LINGO1: variants seen among roughly 807,000 people sequenced by gnomAD.
The protein encoded by LINGO1 is leucine-rich repeat and immunoglobulin-like domain-containing nogo receptor-interacting protein 1.
A neutral mutation model predicts 37.3 loss-of-function variants in LINGO1; 11 were observed. The ratio of observed to expected loss-of-function variants is 0.29; its 90% confidence interval spans 0.19 to 0.49. LINGO1 has a LOEUF of 0.49. LINGO1 is among the 20% of genes least tolerant of loss of function. LINGO1 has a pLI of 0.99. For missense variants in LINGO1, 585 were observed against 878.2 expected (o/e 0.67, Z 4.22); for synonymous variants, 387 against 403.0 (o/e 0.96, Z 0.48).
intron 1 of LINGO1, among the ~76,000 whole-genome samples, chr15:77,736,247 T>C (rs540531669): frequency 2.0e-5 from 3 of 152,070 alleles, no homozygotes; most frequent in East Asian, 1.9e-4. Flanking sequence ...TAGGGGTATA[T>C]ACCAGGGAGC....
intron 2 of LINGO1, among the ~76,000 whole-genome samples, chr15:77,705,224 C>G (rs1242848281): frequency 2.6e-5 from 4 of 151,182 alleles, no homozygotes; most frequent in Non-Finnish European, 4.4e-5. Flanking sequence ...CTTCCAGCAC[C>G]CTGGACCTTG....
intron 1 of LINGO1, among the ~76,000 whole-genome samples, chr15:77,780,454 A>C (rs987674097): frequency 2.0e-5 from 3 of 151,986 alleles, no homozygotes; most frequent in African/African-American, 7.3e-5. Flanking sequence ...GAAGCAGCTC[A>C]AGCTACAGTG....
At chr15:77,801,212 G>A (rs1302386158) in intron 1 of LINGO1, among the ~76,000 whole-genome samples, 2 of 152,194 alleles carry the variant, frequency 1.3e-5, no homozygotes. Context: ...ACATGCTCAA[G>A]GATGCTCACG....
chr15:77,781,046 C>G (rs1196366696), intron 1 of LINGO1, among the ~76,000 whole-genome samples: 1 of 152,242 alleles, frequency 6.6e-6, no homozygotes, highest in Non-Finnish European at 1.5e-5. Flanking sequence ...CTGACTGTAC[C>G]TTGGACACCG....
At chr15:77,765,244 G>A (rs1048570490) in intron 1 of LINGO1, among the ~76,000 whole-genome samples, 7 of 151,946 alleles carry the variant, frequency 4.6e-5, no homozygotes, top group South Asian at 2.1e-4. Flanking sequence ...GTGAAACCCC[G>A]TCTCTACTAA....
chr15:77,730,333 A>C (rs1477265660), intron 2 of LINGO1, among the ~76,000 whole-genome samples: 3 of 152,112 alleles, frequency 2.0e-5, no homozygotes, highest in Non-Finnish European at 4.4e-5. Flanking sequence ...CCTGTTACCC[A>C]ATGGGAAAAC....
intron 2 of LINGO1, among the ~76,000 whole-genome samples, chr15:77,716,642 G>A (rs898340317): frequency 6.7e-6 from 1 of 150,184 alleles, no homozygotes; most frequent in Non-Finnish European, 1.5e-5. Context: ...CCAGTTCATC[G>A]CCTGAGTGTC....
intron 1 of LINGO1, among the ~76,000 whole-genome samples, chr15:77,748,412 G>A (rs971311840): frequency 1.3e-5 from 2 of 152,246 alleles, no homozygotes; most frequent in Non-Finnish European, 2.9e-5. Flanking sequence ...ACTTTACAGT[G>A]TCACTGCAGG....
chr15:77,631,407 C>A lies in LINGO1; in HGVS notation c.6+903G>T, dbSNP rs555125405. Among the ~76,000 whole-genome samples the A allele has an allele frequency of 2.0e-5, 3 of 152,274 alleles. No homozygotes were observed. In the South Asian group the frequency reaches 6.2e-4, roughly 32 times the overall value. Reference sequence around the variant, plus strand: ...GGCCTCTGAGAACAAAGAGGAGGTGCAGGCACAGTCAGGCTGGACCAGGCT... The same window carrying A: ...GGCCTCTGAGAACAAAGAGGAGGTGAAGGCACAGTCAGGCTGGACCAGGCT... On this transcript the variant is annotated intron_variant, in intron 1 of 1. Coordinates refer to ENST00000355300, the MANE Select transcript of LINGO1 (RefSeq NM_032808.7).
rs370067007 is a variant in LINGO1 at position 77,753,119 on chromosome 15, C to T, written c.-256-18066G>A. On this transcript the variant is annotated intron_variant, in intron 1 of 3. Coordinates refer to the LINGO1 transcript ENST00000561686. The stretch of plus-strand genomic sequence containing the variant: ...GCTGTGGCTGTTGTTTCATGGGTCC[C>T]GCGTGCTGGAGAGAACAGAGACCTG... Among the ~76,000 whole-genome samples the T allele has an allele frequency of 3.9e-5, 6 of 152,342 alleles. 1 individual carries two copies. Among genetic ancestry groups the T allele is most frequent in the African/African-American group, 1.2e-4 (5 of 41,578 alleles).
At chr15:77,774,045 C>T (rs1250743044) in intron 1 of LINGO1, among the ~76,000 whole-genome samples, 2 of 152,126 alleles carry the variant, frequency 1.3e-5, no homozygotes, top group African/African-American at 4.8e-5. Context: ...CCACCCACTG[C>T]CCTCCTTGGC....
chr15:77,714,420 G>GA (rs1381134204), intron 2 of LINGO1, among the ~76,000 whole-genome samples: 3 of 152,030 alleles, frequency 2.0e-5, no homozygotes, highest in African/African-American at 7.2e-5. Flanking sequence ...CTGCCCCTTG[G>GA]AAAATATCCC....
At chr15:77,631,630 C>T (rs1567471096) in intron 1 of LINGO1, among the ~76,000 whole-genome samples, 2 of 152,022 alleles carry the variant, frequency 1.3e-5, no homozygotes, top group African/African-American at 2.4e-5. Flanking sequence ...CTGGTTCCCA[C>T]CTCCCACCCG....
chr15:77,618,432 G>C (rs1308880199), intron 1 of LINGO1, among the ~76,000 whole-genome samples: 3 of 152,140 alleles, frequency 2.0e-5, no homozygotes, highest in Non-Finnish European at 2.9e-5. Flanking sequence ...TGCCCCAGCA[G>C]CCTTTGCAAC....
intron 1 of LINGO1, among the ~76,000 whole-genome samples, chr15:77,817,967 G>T (rs926988198): frequency 2.6e-5 from 4 of 152,172 alleles, no homozygotes; most frequent in Non-Finnish European, 5.9e-5. Flanking sequence ...ATACTCCAGA[G>T]ACCCAGGTAG....
intron 2 of LINGO1, among the ~76,000 whole-genome samples, chr15:77,713,320 T>C (rs1254066228): frequency 6.6e-6 from 1 of 151,462 alleles, no homozygotes; most frequent in Admixed American, 6.6e-5. Context: ...TCAAGTACTC[T>C]GCCTGCCTCG....
intron 1 of LINGO1, among the ~76,000 whole-genome samples, chr15:77,804,291 G>A (rs1304329354): frequency 6.6e-6 from 1 of 152,210 alleles, no homozygotes; most frequent in African/African-American, 2.4e-5. Flanking sequence ...CACCCCCAAA[G>A]GAATGCAGAC....
At chr15:77,752,704 T>A (rs1454014174) in intron 1 of LINGO1, among the ~76,000 whole-genome samples, 2 of 152,156 alleles carry the variant, frequency 1.3e-5, no homozygotes, top group East Asian at 3.9e-4. Context: ...GAGCAGGCTG[T>A]AGCACTGTAG....
chr15:77,715,149 G>A (rs898002763), intron 2 of LINGO1, among the ~76,000 whole-genome samples: 2 of 152,136 alleles, frequency 1.3e-5, no homozygotes, highest in African/African-American at 2.4e-5. Flanking sequence ...GTGGCAATGC[G>A]ACACTTCATG....
Sources: gnomAD v4.1 joint callset for allele counts (sites outside exome capture counted in the v4.1 genomes callset) on GRCh38, gnomAD v4.1.1 for gene constraint, MANE v1.5 for transcripts, NCBI Gene and HGNC (gene_info 2026-07-23, HGNC 2026-07-21) for gene names.